Variants in PRKN observed in about 807,000 individuals in gnomAD.
PRKN encodes the protein parkin RBR E3 ubiquitin protein ligase, also known as E3 ubiquitin-protein ligase parkin.
Under a neutral mutation model 59.5 loss-of-function variants are expected in PRKN, and 56 were observed. The ratio of observed to expected loss-of-function variants is 0.94; its 90% CI spans 0.76 to 1.18. PRKN has a LOEUF of 1.18. Among genes scored for constraint, PRKN ranks in the 50% most tolerant of loss-of-function variants. The pLI is 0.00. For missense variants in PRKN, 657 were observed against 596.4 expected (o/e 1.10, Z -1.06); for synonymous variants, 250 against 222.1 (o/e 1.13, Z -1.12).
At chr6:161,771,452 G>C (rs890793620) in intron 7 of PRKN, among the ~76,000 whole-genome samples, 10 of 151,970 alleles carry the variant, frequency 6.6e-5, no homozygotes, top group Admixed American at 6.5e-5. Flanking sequence ...TAGCAGCTTG[G>C]GGGAGGGATC....
intron 2 of PRKN, among the ~76,000 whole-genome samples, chr6:162,405,244 T>C (rs1370953015): frequency 1.3e-5 from 2 of 152,164 alleles, no homozygotes; most frequent in East Asian, 3.9e-4. Flanking sequence ...GAACATGGAA[T>C]AGACTATTTC....
chr6:162,394,304 A>G (rs1182663470), intron 2 of PRKN, among the ~76,000 whole-genome samples: 1 of 152,164 alleles, frequency 6.6e-6, no homozygotes, highest in African/African-American at 2.4e-5. Flanking sequence ...TTTCCCTTAG[A>G]GAGGTCCTGG....
intron 2 of PRKN, among the ~76,000 whole-genome samples, chr6:162,442,292 C>A (rs956060076): frequency 1.3e-5 from 2 of 152,172 alleles, no homozygotes; most frequent in Non-Finnish European, 2.9e-5. Flanking sequence ...CAGGAGCCCC[C>A]CTGCGCGGAG....
intron 6 of PRKN, among the ~76,000 whole-genome samples, chr6:161,933,353 T>C (rs958787824): frequency 6.6e-6 from 1 of 152,160 alleles, no homozygotes; most frequent in African/African-American, 2.4e-5. Context: ...CAATGTTGAC[T>C]CCATTAGATA....
chr6:161,524,185 C>T (rs1244815311), intron 9 of PRKN, among the ~76,000 whole-genome samples: 2 of 152,186 alleles, frequency 1.3e-5, no homozygotes, highest in East Asian at 3.9e-4. Flanking sequence ...TATTTTAGAT[C>T]GTGGACTCCC....
In PRKN at chr6:161,372,709, C is replaced by T. The variant is rs1283719835; in HGVS notation, c.1168-12504G>A. On this transcript the variant is annotated intron_variant, in intron 10 of 11. Coordinates refer to ENST00000366898, the MANE Select transcript of PRKN (RefSeq NM_004562.3). This position sits in a 1 kb window ranked among gnomAD's most constrained non-coding sequence, Gnocchi z 4.2. The stretch of plus-strand genomic sequence containing the variant: ...ATAGGTCTGGGATTGCGCTCAAGGA[C>T]TGGCAGTTCAACAAATTCCTAGGTG... 6.6e-6 allele frequency among the ~76,000 whole-genome samples: 1 copy of T among 152,168 alleles called. No individual in the cohort carries two copies. The highest frequency in any genetic ancestry group is 2.4e-5 in the African/African-American group (1 of 41,446).
intron 9 of PRKN, among the ~76,000 whole-genome samples, chr6:161,540,110 C>T (rs1435820031): frequency 1.3e-5 from 2 of 152,058 alleles, no homozygotes; most frequent in Non-Finnish European, 2.9e-5. Context: ...TGGACTGGAC[C>T]CAAGCACTAC....
chr6:162,081,583 G>C (rs1203966018), intron 4 of PRKN, among the ~76,000 whole-genome samples: 2 of 152,088 alleles, frequency 1.3e-5, no homozygotes, highest in African/African-American at 4.8e-5. Flanking sequence ...CAGGTGTGCT[G>C]TCATCTAGGC....
At position 161,480,544 on chromosome 6, in the gene PRKN, G is replaced by T. The variant is rs1434923046; in HGVS notation, c.1083+68310C>A. On this transcript the variant is annotated intron_variant, in intron 9 of 11. Transcript: ENST00000366898. This position sits in a 1 kb window ranked among gnomAD's most constrained non-coding sequence, Gnocchi z 4.1. ...ATTCCATTGGTATTAATAACACTGC[G>T]ATGATGGGTCTTTTGTGCATTCCTG... Among the ~76,000 whole-genome samples the T allele has an allele frequency of 6.6e-6, 1 of 152,198 alleles. No individual in the cohort carries two copies. The highest frequency in any genetic ancestry group is 1.9e-4 in the East Asian group (1 of 5,202).
chr6:162,285,339 T>C (rs1423259556), intron 2 of PRKN, among the ~76,000 whole-genome samples: 4 of 144,518 alleles, frequency 2.8e-5, no homozygotes, highest in South Asian at 2.3e-4. Flanking sequence ...CTGGGCACCA[T>C]GGGTAGTACC....
At chr6:162,592,788 T>G (rs1189062689) in intron 1 of PRKN, among the ~76,000 whole-genome samples, 1 of 146,510 alleles carries the variant, frequency 6.8e-6, no homozygotes, top group African/African-American at 2.5e-5. Context: ...GAGTGGGACA[T>G]AGAAAAGGAT....
chr6:162,250,377 A>T (rs1779384758), intron 3 of PRKN, among the ~76,000 whole-genome samples: 1 of 152,146 alleles, frequency 6.6e-6, no homozygotes, highest in African/African-American at 2.4e-5. Flanking sequence ...GTAACAGATA[A>T]CCCCAAAGTC....
At chr6:161,558,732 C>T (rs1034261823) in intron 8 of PRKN, among the ~76,000 whole-genome samples, 4 of 152,060 alleles carry the variant, frequency 2.6e-5, no homozygotes, top group Admixed American at 2.0e-4. Context: ...CAGATAATGT[C>T]CCATTTTCTA....
chr6:162,405,395 T>C (rs1428021180), intron 2 of PRKN, among the ~76,000 whole-genome samples: 2 of 152,164 alleles, frequency 1.3e-5, no homozygotes, highest in Non-Finnish European at 2.9e-5. Flanking sequence ...ATGAATTCAA[T>C]GCACAGTAAA....
chr6:161,704,893 T>C (rs1474888100), intron 7 of PRKN, among the ~76,000 whole-genome samples: 2 of 152,220 alleles, frequency 1.3e-5, no homozygotes, highest in African/African-American at 4.8e-5. Context: ...GTTTCTCAGT[T>C]ACATATGTGC....
chr6:162,224,763 C>T (rs973337429), intron 3 of PRKN, among the ~76,000 whole-genome samples: 4 of 152,108 alleles, frequency 2.6e-5, no homozygotes, highest in African/African-American at 4.8e-5. Context: ...TAGTATTATA[C>T]GCCCTAGGGA....
intron 2 of PRKN, among the ~76,000 whole-genome samples, chr6:162,341,192 C>T (rs1784161383): frequency 6.6e-6 from 1 of 152,084 alleles, no homozygotes; most frequent in Non-Finnish European, 1.5e-5. Context: ...AAATGCAAAT[C>T]AAAACCACAG....
chr6:162,606,370 C>T (rs1781913794), intron 1 of PRKN, among the ~76,000 whole-genome samples: 1 of 152,146 alleles, frequency 6.6e-6, no homozygotes, highest in Non-Finnish European at 1.5e-5. Context: ...TCACACAAAT[C>T]CTATCTTATA....
rs34279714 is a variant in PRKN, at chr6:161,352,771, A to ATATTTTTTTT, written c.1286-2561_1286-2560insAAAAAAAATA. 3.4e-5 allele frequency among the ~76,000 whole-genome samples: 4 copies of ATATTTTTTTT among 116,892 alleles called. 1 individual carries two copies. In the South Asian group the frequency reaches 1.0e-3, roughly 29 times the overall value. 76.7% of individuals were successfully genotyped at this position (116,892 alleles called of 152,430 possible). ...TGTGTGTGTGTATATATATATATAT[A>ATATTTTTTTT]TTTTATTTTATTTTATTTTATTTTT... is the stretch of plus-strand genomic sequence containing the variant. On this transcript the variant is annotated intron_variant, in intron 11 of 11. Coordinates refer to ENST00000366898, the MANE Select transcript of PRKN (RefSeq NM_004562.3). The surrounding 1 kb of genome is among the most constrained non-coding windows in gnomAD (Gnocchi z 5.8).
Sources: allele counts gnomAD v4.1 joint callset (sites outside exome capture counted in the v4.1 genomes callset), GRCh38; gene constraint gnomAD v4.1.1; non-coding constraint Gnocchi (gnomAD v3.1); transcripts MANE v1.5; gene names NCBI Gene and HGNC (gene_info 2026-07-23, HGNC 2026-07-21).